Variants in TP53BP1 observed in about 807,000 individuals in gnomAD.
The protein encoded by TP53BP1 is tumor protein p53 binding protein 1, also known as TP53-binding protein 1.
A neutral mutation model predicts 200.8 loss-of-function variants in TP53BP1; 61 were observed. That is an observed-to-expected ratio of 0.30 (90% confidence interval 0.25 to 0.38). The LOEUF is 0.38. Ranked by LOEUF, TP53BP1 falls within the 10% of genes least tolerant of loss-of-function variation. The pLI is 1.00. For missense variants in TP53BP1, 2,144 were observed against 2,371.9 expected, an observed-to-expected ratio of 0.90 and a Z score of 2.00; for synonymous variants, 822 against 844.3, an observed-to-expected ratio of 0.97 and a Z score of 0.46.
chr15:43,447,117 T>C (rs1487294562), intron 13 of TP53BP1: 18 of 481,054 alleles, frequency 3.7e-5, no homozygotes, highest in African/African-American at 3.2e-4. Context: ...GCCTTGCAAG[T>C]AATAAGATAA....
At position 43,408,916 on chromosome 15, in the gene TP53BP1, C is replaced by T. The variant is rs760287636; in HGVS notation, c.5581G>A (p.Glu1861Lys). The T allele has an allele frequency of 1.2e-6, 2 of 1,614,044 alleles. No homozygotes were observed. Among genetic ancestry groups the T allele is most frequent in the East Asian group, 2.2e-5 (1 of 44,896 alleles). ...ACTTACCAGTCCAGAATTCTTTGCT[C>T]CTCAAGGCTGTACCCAGCTGGCAAC... is the stretch of plus-strand genomic sequence containing the variant. ...YLLPAGYSLE[E>K]QRILDWQPRE... The change falls in exon 26 of 28, where the codon GAG (glutamate) becomes AAG (lysine). Residue 1861 changes from glutamate to lysine, a missense_variant. Coordinates refer to ENST00000382044, the MANE Select transcript of TP53BP1 (RefSeq NM_001141980.3).
chr15:43,435,849 C>A (rs972274315), intron 16 of TP53BP1, among the ~76,000 whole-genome samples: 6 of 152,062 alleles, frequency 3.9e-5, no homozygotes, highest in African/African-American at 1.5e-4. Flanking sequence ...GCGTGGACGA[C>A]CCTGCCTGGC....
At chr15:43,498,138 A>G (rs2140171645), upstream of TP53BP1, among the ~76,000 whole-genome samples, 1 of 152,340 alleles carries the variant, frequency 6.6e-6, no homozygotes, top group South Asian at 2.1e-4. Context: ...GTACATTTAT[A>G]TTTTATTTTA....
chr15:43,509,198 G>T (rs1158525711), intron 1 of TP53BP1, among the ~76,000 whole-genome samples: 1 of 93,034 alleles, frequency 1.1e-5, no homozygotes, highest in Non-Finnish European at 2.1e-5. Flanking sequence ...CGGGGGGGGG[G>T]GGGGCAGAGG....
At chr15:43,414,168 T>C in intron 23 of TP53BP1, 3 of 464,600 alleles carry the variant, frequency 6.5e-6, no homozygotes, top group South Asian at 1.6e-5. Flanking sequence ...TATGACGTTA[T>C]ATGAACGAGG....
chr15:43,432,212 T>G lies in TP53BP1; in HGVS notation c.3657A>C (p.Thr1219=). ...EKPVSAPGDD[T]ESLHSQGEEE... is the part of the protein sequence containing the mutation. ...CTCTCACCTGGCTATGGAGCGACTC[T>G]GTATCATCCCCAGGAGCACTGACTG... The change falls in exon 17 of 28, where the codon ACA becomes ACC. Residue 1219 remains threonine, a synonymous_variant. Transcript: ENST00000382044. 1 of 1,614,120 alleles carries G rather than the reference T, an allele frequency of 6.2e-7. No individual in the cohort carries two copies. Among genetic ancestry groups the G allele is most frequent in the Admixed American group, 1.7e-5 (1 of 60,026 alleles).
Position 43,421,223 on chromosome 15 carries a change from T to C in TP53BP1, c.4101-49A>G, listed in dbSNP as rs377644702. The C allele has an allele frequency of 2.7e-5, 43 of 1,598,296 alleles. No homozygotes were observed. In the African/African-American group the frequency reaches 5.4e-4, roughly 20 times the overall value. On this transcript the variant is annotated intron_variant, in intron 19 of 27. Coordinates refer to ENST00000382044, the MANE Select transcript of TP53BP1 (RefSeq NM_001141980.3). Reference sequence around the variant, plus strand: ...CTGATAGCACCTGCTACTGAATCTTTTCTTCACAAAGTCTCCCCTTGGCCC... The same window carrying C: ...CTGATAGCACCTGCTACTGAATCTTCTCTTCACAAAGTCTCCCCTTGGCCC...
At position 43,404,614 on chromosome 15, in the gene TP53BP1, A is replaced by C. The variant is rs2044795791; in HGVS notation, c.*2769T>G. The C allele has an allele frequency of 8.9e-6, 14 of 1,572,858 alleles. No homozygotes were observed. The highest frequency in any genetic ancestry group is 1.7e-4 in the Middle Eastern group (1 of 5,852). ...AAGGTGGCTTTTTAATGAGTTGTAG[A>C]ATTCTAGAACTGGAAGAAGACTTTA... On this transcript the variant is annotated 3_prime_UTR_variant, in exon 28 of 28. Coordinates refer to ENST00000382044, the MANE Select transcript of TP53BP1 (RefSeq NM_001141980.3).
At chr15:43,425,982 G>A (rs1398631208) in intron 18 of TP53BP1, among the ~76,000 whole-genome samples, 2 of 149,458 alleles carry the variant, frequency 1.3e-5, no homozygotes, top group South Asian at 4.2e-4. Flanking sequence ...GGAGAATGGC[G>A]TGAACCCAGG....
intron 11 of TP53BP1, among the ~76,000 whole-genome samples, chr15:43,458,911 G>A (rs2046364245): frequency 6.6e-6 from 1 of 152,178 alleles, no homozygotes; most frequent in African/African-American, 2.4e-5. Context: ...CAGTATGGCA[G>A]TATCTTATAA....
rs368843031 is a variant in TP53BP1, at chr15:43,457,018, G to A, written c.1590C>T (p.Ser530=). Reference sequence around the variant, plus strand: ...GAGAACTCAAGCTCTCCATCTTTGGGGACTGACTATATTCACTTGTAGAAA... The same window carrying A: ...GAGAACTCAAGCTCTCCATCTTTGGAGACTGACTATATTCACTTGTAGAAA... The part of the protein sequence containing the change: ...LMLSTSEYSQ[S]PKMESLSSHR... Residue 530 remains serine (S), a synonymous_variant, in exon 12 of 28, where the codon TCC becomes TCT. Transcript: ENST00000382044. 1 of 1,614,076 alleles carries A rather than the reference G, an allele frequency of 6.2e-7. No individual in the cohort carries two copies. The highest frequency in any genetic ancestry group is 8.5e-7 in the Non-Finnish European group (1 of 1,180,018).
rs941291291 is a variant in TP53BP1 at position 43,428,060 on chromosome 15, C to T, written c.3784G>A (p.Val1262Met). The change falls in exon 18 of 28, where the codon GTG (valine) becomes ATG (methionine). Residue 1262 changes from valine to methionine, a missense_variant. This residue lies in a region of TP53BP1 where 1,700 missense variants were observed against 1,710.3 expected (regional missense o/e 0.99). Transcript: ENST00000382044. ...RTLVTRVITD[V>M]YYVDGTEVER... ...ACTTCTGTTCCATCCACATAATACA[C>T]ATCTGTAATGACACGAGTGACAAGT... 1.2e-6 allele frequency: 2 copies of T among 1,612,712 alleles called. No homozygotes were observed. Among genetic ancestry groups the T allele is most frequent in the Non-Finnish European group, 1.7e-6 (2 of 1,179,012 alleles).
At chr15:43,433,803 G>T (rs1001114804) in intron 16 of TP53BP1, among the ~76,000 whole-genome samples, 2 of 152,092 alleles carry the variant, frequency 1.3e-5, no homozygotes, top group Non-Finnish European at 2.9e-5. Flanking sequence ...GGACGATAAG[G>T]GGCCTAGAAA....
Position 43,404,654 on chromosome 15 carries a change from AT to A in TP53BP1, c.*2728del. The A allele has an allele frequency of 7.9e-7, 1 of 1,263,632 alleles. No individual in the cohort carries two copies. The highest frequency in any genetic ancestry group is 1.1e-6 in the Non-Finnish European group (1 of 902,630). 78.3% of individuals were successfully genotyped at this position (1,263,632 alleles called of 1,614,324 possible). ...AGAAGACTTTAGTCCAAATACCCTCATTTTATAAGTAAGGCTTAGAGATAGA... is the reference window on the plus strand; with the variant it reads ...AGAAGACTTTAGTCCAAATACCCTCATTTATAAGTAAGGCTTAGAGATAGA... On this transcript the variant is annotated 3_prime_UTR_variant, in exon 28 of 28. Coordinates refer to ENST00000382044, the MANE Select transcript of TP53BP1 (RefSeq NM_001141980.3).
rs571092425 is a variant in TP53BP1, at chr15:43,488,503, GAC to G, written c.371+3164_371+3165del. 2.8e-4 allele frequency among the ~76,000 whole-genome samples: 42 copies of G among 152,250 alleles called. No individual in the cohort carries two copies. The East Asian group carries it at 7.5e-3, about 27-fold the overall frequency. ...ACTGTATCTTGACTGTTGTGGTGAAGACACAAACCTACGCAGGTGATAAAACT... is the reference window on the plus strand; with the variant it reads ...ACTGTATCTTGACTGTTGTGGTGAAGACAAACCTACGCAGGTGATAAAACT... On this transcript the variant is annotated intron_variant, in intron 4 of 27. Coordinates refer to ENST00000382044, the MANE Select transcript of TP53BP1 (RefSeq NM_001141980.3).
Position 43,404,689 on chromosome 15 carries a change from C to A in TP53BP1, c.*2694G>T. On this transcript the variant is annotated 3_prime_UTR_variant, in exon 28 of 28. Coordinates refer to ENST00000382044, the MANE Select transcript of TP53BP1 (RefSeq NM_001141980.3). Reference sequence around the variant, plus strand: ...TAAGGCTTAGAGATAGAGGTGTGACCATCTTTAATAATTTTAATGGAGGTT... The same window carrying A: ...TAAGGCTTAGAGATAGAGGTGTGACAATCTTTAATAATTTTAATGGAGGTT... 1 of 905,976 alleles carries A rather than the reference C, an allele frequency of 1.1e-6. No homozygotes were observed. Among genetic ancestry groups the A allele is most frequent in the Non-Finnish European group, 1.6e-6 (1 of 612,418 alleles). The allele number at this position is 905,976 out of a possible 1,614,324, so 56.1% of individuals were successfully genotyped here.
intron 19 of TP53BP1, 88 bp downstream of exon 19, chr15:43,421,767 T>C: frequency 6.7e-7 from 1 of 1,484,930 alleles, no homozygotes; most frequent in Non-Finnish European, 9.2e-7. Flanking sequence ...ATGGGGGATT[T>C]CCCATTACTC....
chr15:43,455,644 C>T (rs2046275000), intron 12 of TP53BP1, among the ~76,000 whole-genome samples: 2 of 151,974 alleles, frequency 1.3e-5, no homozygotes, highest in South Asian at 4.2e-4. Flanking sequence ...TCACTTGAAC[C>T]CGGGAGGTGG....
intron 21 of TP53BP1, among the ~76,000 whole-genome samples, chr15:43,418,492 T>A: frequency 6.8e-6 from 1 of 146,582 alleles, no homozygotes; most frequent in African/African-American, 2.5e-5. Flanking sequence ...GGAGGCAGAG[T>A]GAAACTGTGT....
Sources: gnomAD v4.1 joint callset for allele counts (sites outside exome capture counted in the v4.1 genomes callset) on GRCh38, gnomAD v4.1.1 for gene constraint, gnomAD v4.1.1 regional missense constraint, MANE v1.5 for transcripts, NCBI Gene and HGNC (gene_info 2026-07-23, HGNC 2026-07-21) for gene names.